Variants in OR8G1 observed in about 807,000 individuals in gnomAD.
The protein encoded by OR8G1 is olfactory receptor 8G1.
For synonymous variants in OR8G1, 129 were observed against 133.3 expected (o/e 0.97, Z 0.22); for missense variants, 372 against 356.2 (o/e 1.04, Z -0.36).
rs199569525 is a variant in OR8G1 at position 124,250,253 on chromosome 11, A to G, written c.578A>G (p.Tyr193Cys). The G allele has an allele frequency of 7.9e-5, 127 of 1,613,734 alleles. No individual in the cohort carries two copies. The African/African-American group carries it at 1.2e-3, about 15-fold the overall frequency. The change falls in exon 3 of 3, where the codon TAT becomes TGT. Residue 193 changes from tyrosine to cysteine, a missense_variant. By Grantham distance (194) the Tyr-to-Cys change is radical (BLOSUM62 -2). Coordinates refer to ENST00000641972, the MANE Select transcript of OR8G1 (RefSeq NM_001002905.2). ...PLLKLSCSSI[Y>C]VNKLLILCVG... The stretch of plus-strand genomic sequence containing the variant: ...CTAAAGCTCTCTTGCTCTAGTATCT[A>G]TGTCAACAAACTACTTATTCTATGT...
intron 1 of OR8G1, among the ~76,000 whole-genome samples, chr11:124,247,538 G>GT (rs2137748195): frequency 6.6e-6 from 1 of 151,890 alleles, no homozygotes; most frequent in Admixed American, 6.6e-5. Context: ...AGAGAAAACC[G>GT]TAAGTCTAGA....
chr11:124,252,496 CTCTTTT>C lies in OR8G1; in HGVS notation c.*1890_*1895del, dbSNP rs1409770062. ...TTATGTTCTCTTTCAGAAAAACTAT[CTCTTTT>C]TCTTCTTAGCTTGCATTGCTTGTGG... On this transcript the variant is annotated 3_prime_UTR_variant, in exon 3 of 3. Coordinates refer to ENST00000641972, the MANE Select transcript of OR8G1 (RefSeq NM_001002905.2). 6.6e-6 allele frequency: 1 copy of C among 152,110 alleles called. No individual in the cohort carries two copies. Among genetic ancestry groups the C allele is most frequent in the Non-Finnish European group, 1.5e-5 (1 of 68,020 alleles). The allele number at this position is 152,110 out of a possible 1,614,324, so 9.4% of individuals were successfully genotyped here. A position where few individuals can be genotyped will look rare whatever the true frequency, so the allele number is the denominator to read the frequency against.
At chr11:124,246,457 A>G (rs1378536084) in intron 1 of OR8G1, among the ~76,000 whole-genome samples, 1 of 151,932 alleles carries the variant, frequency 6.6e-6, no homozygotes, top group Non-Finnish European at 1.5e-5. Flanking sequence ...ATGATATACT[A>G]TCAGAAAAAG....
At chr11:124,245,349 AT>A (rs1030748206) in intron 1 of OR8G1, among the ~76,000 whole-genome samples, 1 of 150,772 alleles carries the variant, frequency 6.6e-6, no homozygotes, top group Non-Finnish European at 1.5e-5. Flanking sequence ...TGAACTCATC[AT>A]TTTTTATGGC....
At position 124,253,758 on chromosome 11, in the gene OR8G1, C is replaced by T. The variant is rs1278952265; in HGVS notation, c.*3147C>T. The T allele has an allele frequency of 6.6e-6, 1 of 152,134 alleles. No homozygotes were observed. The highest frequency in any genetic ancestry group is 1.5e-5 in the Non-Finnish European group (1 of 68,024). 9.4% of individuals were successfully genotyped at this position (152,134 alleles called of 1,614,324 possible). On this transcript the variant is annotated 3_prime_UTR_variant, in exon 3 of 3. Transcript: ENST00000641972. Reference sequence around the variant, plus strand: ...AGATAAACACAATTCTACTGTCTACCTCTGTGAGTTCAGCATTTTTAGATT... The same window carrying T: ...AGATAAACACAATTCTACTGTCTACTTCTGTGAGTTCAGCATTTTTAGATT...
At position 124,250,750 on chromosome 11, in the gene OR8G1, C is replaced by G. The variant is rs1376806186; in HGVS notation, c.*139C>G. On this transcript the variant is annotated 3_prime_UTR_variant, in exon 3 of 3. Transcript: ENST00000641972. ...TTATATTACCATTATTTTTTCATTT[C>G]ATGACCCTTTGATGTCATTTCCCAT... 1.1e-5 allele frequency: 4 copies of G among 373,186 alleles called. 1 individual carries two copies. In the African/African-American group the frequency reaches 1.4e-4, roughly 13 times the overall value. The allele number at this position is 373,186 out of a possible 1,614,324, so 23.1% of individuals were successfully genotyped here.
At chr11:124,247,298 TAA>T (rs1861820862) in intron 1 of OR8G1, among the ~76,000 whole-genome samples, 1 of 151,798 alleles carries the variant, frequency 6.6e-6, no homozygotes, top group Non-Finnish European at 1.5e-5. Flanking sequence ...AATGGAACCA[TAA>T]ATTACTGATT....
intron 1 of OR8G1, among the ~76,000 whole-genome samples, chr11:124,243,582 G>T (rs1297619394): frequency 6.6e-6 from 1 of 151,892 alleles, no homozygotes; most frequent in Admixed American, 6.6e-5. Context: ...ACACAGTCCT[G>T]TTGGGTTGTA....
chr11:124,251,459 A>G lies in OR8G1; in HGVS notation c.*848A>G. On this transcript the variant is annotated 3_prime_UTR_variant, in exon 3 of 3. Coordinates refer to ENST00000641972, the MANE Select transcript of OR8G1 (RefSeq NM_001002905.2). ...CAAGTTGATTAAAATTTACTTTAGA[A>G]GGTTCTTCAAGAATCTATAATATAA... 1 of 792,174 alleles carries G rather than the reference A, an allele frequency of 1.3e-6. No homozygotes were observed. The highest frequency in any genetic ancestry group is 1.9e-6 in the Non-Finnish European group (1 of 538,776). The allele number at this position is 792,174 out of a possible 1,614,324, so 49.1% of individuals were successfully genotyped here.
chr11:124,250,867 A>G lies in OR8G1; in HGVS notation c.*256A>G, dbSNP rs1175345770. ...ACATAGACTCATTAATGCCAGCCCC[A>G]TGTTCTTACCTCTTTTCTTTTACAC... On this transcript the variant is annotated 3_prime_UTR_variant, in exon 3 of 3. Coordinates refer to ENST00000641972, the MANE Select transcript of OR8G1 (RefSeq NM_001002905.2). The G allele has an allele frequency of 1.1e-5, 2 of 173,930 alleles. No homozygotes were observed. Among genetic ancestry groups the G allele is most frequent in the East Asian group, 9.7e-5 (1 of 10,276 alleles). The allele number at this position is 173,930 out of a possible 1,614,324, so 10.8% of individuals were successfully genotyped here. A position where few individuals can be genotyped will look rare whatever the true frequency, so the allele number is the denominator to read the frequency against.
chr11:124,248,710 T>C (rs1278215700), intron 2 of OR8G1, among the ~76,000 whole-genome samples: 1 of 152,080 alleles, frequency 6.6e-6, no homozygotes, highest in Non-Finnish European at 1.5e-5. Flanking sequence ...TTTTTTGTAC[T>C]TCTTCCTAAT....
chr11:124,246,770 C>T (rs2512233), intron 1 of OR8G1, among the ~76,000 whole-genome samples: 134,007 of 151,160 alleles, frequency 0.89, 59,591 homozygotes, highest in African/African-American at 0.96. Context: ...ATATGGTGTA[C>T]TATAAAGTCT....
Position 124,252,792 on chromosome 11 carries a change from T to C in OR8G1, c.*2181T>C, listed in dbSNP as rs1256498266. The C allele has an allele frequency of 6.6e-6, 1 of 152,198 alleles. No individual in the cohort carries two copies. The highest frequency in any genetic ancestry group is 1.5e-5 in the Non-Finnish European group (1 of 68,018). 9.4% of individuals were successfully genotyped at this position (152,198 alleles called of 1,614,324 possible). On this transcript the variant is annotated 3_prime_UTR_variant, in exon 3 of 3. Transcript: ENST00000641972. ...TCCAGCAAGTGCTTTGCACTTTCAC[T>C]CTGGAAACTTCTCCACAATTTCAGA... is the stretch of plus-strand genomic sequence containing the variant.
At chr11:124,245,857 G>GGTT (rs1861806041) in intron 1 of OR8G1, among the ~76,000 whole-genome samples, 1 of 151,244 alleles carries the variant, frequency 6.6e-6, no homozygotes, top group Non-Finnish European at 1.5e-5. Flanking sequence ...TGTTTGATGG[G>GGTT]GTTGTTTGTT....
intron 2 of OR8G1, 136 bp from the exon 3 acceptor site, chr11:124,249,524 T>C: frequency 1.5e-6 from 1 of 680,954 alleles, no homozygotes; most frequent in Non-Finnish European, 2.3e-6. Context: ...TAAATAAATA[T>C]TATTTGAGGT....
Position 124,252,800 on chromosome 11 carries a change from C to G in OR8G1, c.*2189C>G, listed in dbSNP as rs370497012. ...GTGCTTTGCACTTTCACTCTGGAAA[C>G]TTCTCCACAATTTCAGATGCTCATT... On this transcript the variant is annotated 3_prime_UTR_variant, in exon 3 of 3. Coordinates refer to ENST00000641972, the MANE Select transcript of OR8G1 (RefSeq NM_001002905.2). 3.3e-5 allele frequency: 5 copies of G among 152,292 alleles called. No homozygotes were observed. In the East Asian group the frequency reaches 7.7e-4, roughly 24 times the overall value. The allele number at this position is 152,292 out of a possible 1,614,324, so 9.4% of individuals were successfully genotyped here.
Position 124,252,445 on chromosome 11 carries a change from A to G in OR8G1, c.*1834A>G, listed in dbSNP as rs559788955. The G allele has an allele frequency of 6.6e-6, 1 of 152,292 alleles. No homozygotes were observed. Among genetic ancestry groups the G allele is most frequent in the East Asian group, 1.9e-4 (1 of 5,178 alleles). 9.4% of individuals were successfully genotyped at this position (152,292 alleles called of 1,614,324 possible). On this transcript the variant is annotated 3_prime_UTR_variant, in exon 3 of 3. Transcript: ENST00000641972. ...TCAGAAAACTCATCTCTGAAACTCA[A>G]TCTGCATTACTTTTCCATATCATCC...
chr11:124,245,173 C>A (rs1861799899), intron 1 of OR8G1, among the ~76,000 whole-genome samples: 1 of 133,736 alleles, frequency 7.5e-6, no homozygotes. Flanking sequence ...CCTCCCCCCA[C>A]CCCACTACAG....
Position 124,253,731 on chromosome 11 carries a change from G to A in OR8G1, c.*3120G>A, listed in dbSNP as rs943646682. The A allele has an allele frequency of 2.2e-4, 34 of 152,034 alleles. No individual in the cohort carries two copies. The highest frequency in any genetic ancestry group is 7.7e-4 in the African/African-American group (32 of 41,386). 9.4% of individuals were successfully genotyped at this position (152,034 alleles called of 1,614,324 possible). On this transcript the variant is annotated 3_prime_UTR_variant, in exon 3 of 3. Transcript: ENST00000641972. ...AACATCTCCTCCCACACGCCCAGCT[G>A]CAGATAAACACAATTCTACTGTCTA... is the stretch of plus-strand genomic sequence containing the variant.
Sources: allele counts gnomAD v4.1 joint callset (sites outside exome capture counted in the v4.1 genomes callset), GRCh38; gene constraint gnomAD v4.1.1; transcripts MANE v1.5; gene names NCBI Gene and HGNC (gene_info 2026-07-23, HGNC 2026-07-21).